The following DCC variants were observed in gnomAD, a reference collection of about 807,000 sequenced individuals.
The protein encoded by DCC is netrin receptor DCC.
A neutral mutation model predicts 172.5 loss-of-function variants in DCC; 58 were observed. That is an observed-to-expected ratio of 0.34 (90% CI 0.27 to 0.42). The LOEUF is 0.42. DCC is among the 10% of genes least tolerant of loss of function. The pLI, the probability that DCC is intolerant of heterozygous loss-of-function variation, is 1.00. For synonymous variants in DCC, 709 were observed against 644.5 expected (o/e 1.10, Z -1.52); for missense variants, 1,740 against 1,791.0 (o/e 0.97, Z 0.51).
chr18:52,407,119 C>A (rs1033027487), intron 1 of DCC, among the ~76,000 whole-genome samples: 12 of 152,020 alleles, frequency 7.9e-5, no homozygotes, highest in African/African-American at 2.9e-4. Flanking sequence ...GTCACTCCTG[C>A]AGCTAGGTGT....
intron 13 of DCC, among the ~76,000 whole-genome samples, chr18:53,309,904 G>A (rs1178852629): frequency 1.4e-5 from 2 of 142,780 alleles, no homozygotes; most frequent in African/African-American, 5.2e-5. Flanking sequence ...GAGATTTACT[G>A]CAAACATATA....
chr18:53,431,703 T>C (rs1313591186), intron 21 of DCC, among the ~76,000 whole-genome samples: 1 of 152,128 alleles, frequency 6.6e-6, no homozygotes, highest in Non-Finnish European at 1.5e-5. Flanking sequence ...CAGGCTGTCT[T>C]GATCTCTTGA....
intron 2 of DCC, among the ~76,000 whole-genome samples, chr18:52,853,935 G>T (rs2039014728): frequency 6.6e-6 from 1 of 152,170 alleles, no homozygotes; most frequent in African/African-American, 2.4e-5. Flanking sequence ...GATATTCAAA[G>T]CACTACCAGC....
At chr18:52,985,040 C>T (rs2041270549) in intron 5 of DCC, among the ~76,000 whole-genome samples, 1 of 152,026 alleles carries the variant, frequency 6.6e-6, no homozygotes, top group African/African-American at 2.4e-5. Context: ...AGTGAAAATA[C>T]ATTTTTCTTA....
intron 21 of DCC, among the ~76,000 whole-genome samples, chr18:53,432,329 A>C (rs1423323010): frequency 6.6e-6 from 1 of 152,116 alleles, no homozygotes. Context: ...GGCAGGATCC[A>C]TGTCTAATAT....
chr18:52,887,936 G>A (rs2039592407), intron 2 of DCC, among the ~76,000 whole-genome samples: 1 of 152,108 alleles, frequency 6.6e-6, no homozygotes, highest in South Asian at 2.1e-4. Flanking sequence ...CATTTTGGCA[G>A]GGGGAAACTG....
At chr18:53,206,729 G>A (rs977361905) in intron 10 of DCC, among the ~76,000 whole-genome samples, 2 of 149,144 alleles carry the variant, frequency 1.3e-5, no homozygotes, top group Non-Finnish European at 3.0e-5. Flanking sequence ...CTTCATGTAG[G>A]AAAATATATA....
At chr18:52,751,832 T>C (rs112848944) in intron 1 of DCC, among the ~76,000 whole-genome samples, 4 of 152,190 alleles carry the variant, frequency 2.6e-5, no homozygotes, top group African/African-American at 9.6e-5. Context: ...TTTCTCATAA[T>C]ATTAACTTTT....
chr18:52,950,570 G>C (rs191136495), intron 5 of DCC, among the ~76,000 whole-genome samples: 1,731 of 152,226 alleles, frequency 0.011, 15 homozygotes, highest in Non-Finnish European at 0.019. Context: ...CAAGAGAGAA[G>C]GGTTACAGTC....
At chr18:52,911,061 ATTAC>A (rs1199368271) in intron 3 of DCC, among the ~76,000 whole-genome samples, 1 of 152,108 alleles carries the variant, frequency 6.6e-6, no homozygotes, top group Non-Finnish European at 1.5e-5. Context: ...TTTGCTAAAT[ATTAC>A]TTACATTTCA....
Position 52,918,399 on chromosome 18 carries a change from A to G in DCC, c.698-5308A>G, listed in dbSNP as rs2040071684. On this transcript the variant is annotated intron_variant, in intron 3 of 28. Transcript: ENST00000442544. ...TCACAACCTAGAATTTTAAGTTCACATCTCCCAGGGCCTTTTAATCTATTC... is the reference window on the plus strand; with the variant it reads ...TCACAACCTAGAATTTTAAGTTCACGTCTCCCAGGGCCTTTTAATCTATTC... 2.0e-5 allele frequency among the ~76,000 whole-genome samples: 3 copies of G among 152,280 alleles called. No individual in the cohort carries two copies. The South Asian group carries it at 6.2e-4, about 32-fold the overall frequency.
At chr18:52,341,279 C>A (rs1333734046) in intron 1 of DCC, among the ~76,000 whole-genome samples, 1 of 152,084 alleles carries the variant, frequency 6.6e-6, no homozygotes, top group Non-Finnish European at 1.5e-5. Flanking sequence ...GGAGGACATC[C>A]AGGGGCTTTG....
chr18:52,430,140 C>T (rs963417208), intron 1 of DCC, among the ~76,000 whole-genome samples: 17 of 152,068 alleles, frequency 1.1e-4, no homozygotes, highest in East Asian at 3.9e-4. Flanking sequence ...CCAAGAGACA[C>T]CCAATCTACA....
At chr18:53,331,951 A>C (rs1397293396) in intron 14 of DCC, among the ~76,000 whole-genome samples, 1 of 152,194 alleles carries the variant, frequency 6.6e-6, no homozygotes, top group Non-Finnish European at 1.5e-5. Flanking sequence ...GTTATAACCA[A>C]TGTGAGGCAA....
chr18:52,537,607 C>T (rs1344353670), intron 1 of DCC, among the ~76,000 whole-genome samples: 1 of 151,898 alleles, frequency 6.6e-6, no homozygotes, highest in Non-Finnish European at 1.5e-5. Context: ...ATTTTTGGAC[C>T]TCCTATAGCC....
In DCC at chr18:52,798,042, T is replaced by G. The variant is rs150855544; in HGVS notation, c.412+45668T>G. On this transcript the variant is annotated intron_variant, in intron 2 of 28. Transcript: ENST00000442544. ...GATTAATCCCCAGATGCCAGGTTGC[T>G]TGCACGAAGGTTGCTTGCACGAAGG... is the stretch of plus-strand genomic sequence containing the variant. Among the ~76,000 whole-genome samples the G allele has an allele frequency of 1.5e-3, 219 of 150,052 alleles. 1 individual carries two copies. The highest frequency in any genetic ancestry group is 4.6e-3 in the African/African-American group (191 of 41,310).
At chr18:52,445,014 A>G (rs1988078380) in intron 1 of DCC, among the ~76,000 whole-genome samples, 1 of 152,172 alleles carries the variant, frequency 6.6e-6, no homozygotes, top group South Asian at 2.1e-4. Flanking sequence ...TACAAAAGCA[A>G]TGCATTTTTC....
At chr18:53,526,573 G>A in intron 27 of DCC, 44 bp from the exon 28 acceptor site, 2 of 1,602,690 alleles carry the variant, frequency 1.2e-6, no homozygotes, top group Non-Finnish European at 8.5e-7. Flanking sequence ...GTGTTCTGCA[G>A]AATGTTTTCT....
intron 22 of DCC, 97 bp downstream of exon 22, chr18:53,435,306 A>C (rs1048742882): frequency 3.8e-5 from 30 of 798,318 alleles, no homozygotes; most frequent in Non-Finnish European, 6.1e-5. Context: ...TACAAGTGCC[A>C]GGAACCTTGG....
Sources: gnomAD v4.1 joint callset for allele counts (sites outside exome capture counted in the v4.1 genomes callset) on GRCh38, gnomAD v4.1.1 for gene constraint, MANE v1.5 for transcripts, NCBI Gene and HGNC (gene_info 2026-07-23, HGNC 2026-07-21) for gene names.